RNH1: variants seen among roughly 807,000 people sequenced by gnomAD.
The protein encoded by RNH1 is ribonuclease/angiogenin inhibitor 1, also known as ribonuclease inhibitor.
A neutral mutation model predicts 46.1 loss-of-function variants in RNH1; 38 were observed. The ratio of observed to expected loss-of-function variants is 0.82; its 90% CI spans 0.64 to 1.08. The LOEUF is 1.08. Ranked by LOEUF, RNH1 falls within the 50% of genes least tolerant of loss-of-function variation. The probability of loss-of-function intolerance (pLI) is 0.00; values close to 1 mark genes in which losing one functional copy is unlikely to be tolerated. For synonymous variants in RNH1, 319 were observed against 279.1 expected (o/e 1.14, Z -1.43); for missense variants, 577 against 590.7 (o/e 0.98, Z 0.24).
chr11:500,058 C>T, intron 4 of RNH1, 59 bp from the exon 5 acceptor site: 3 of 1,468,768 alleles, frequency 2.0e-6, no homozygotes, highest in South Asian at 2.7e-5. Flanking sequence ...CGCCCTTCGC[C>T]TGCCAGAGCC....
Position 498,925 on chromosome 11 carries a change from C to T in RNH1, c.623G>A (p.Ser208Asn), listed in dbSNP as rs766234096. Residue 208 changes from serine (S) to asparagine (N), a missense_variant, in exon 7 of 11, where the codon AGC (serine) becomes AAC (asparagine). Ser to Asn is a conservative substitution (Grantham distance 46). Coordinates refer to ENST00000354420, the MANE Select transcript of RNH1 (RefSeq NM_203387.3). ...PCQLEALKLE[S>N]CGVTSDNCRD... ...GCAGTTGTCTGATGTCACACCGCAG[C>T]TCTCCAGCCTGGGGACACGGGTCAC... 3 of 1,612,380 alleles carry T rather than the reference C, an allele frequency of 1.9e-6. No individual in the cohort carries two copies. In the East Asian group the frequency reaches 6.7e-5, roughly 36 times the overall value.
At chr11:497,835 ACT>A in intron 9 of RNH1, 134 bp downstream of exon 9, 6 of 1,054,546 alleles carry the variant, frequency 5.7e-6, no homozygotes, top group Non-Finnish European at 8.1e-6. Context: ...ACGTGCTCAC[ACT>A]CGCCTCACCC....
intron 4 of RNH1, 101 bp downstream of exon 4, chr11:500,383 C>T: frequency 7.3e-7 from 1 of 1,360,626 alleles, no homozygotes; most frequent in Non-Finnish European, 1.0e-6. Flanking sequence ...ACTGCCTGTC[C>T]ACCTGCAGCT....
In RNH1 at chr11:499,524, T is replaced by A. The variant is rs1035603414; in HGVS notation, c.443+305A>T. The A allele has an allele frequency of 1.1e-5, 8 of 696,806 alleles. No homozygotes were observed. The Middle Eastern group carries it at 1.6e-3, about 140-fold the overall frequency. The allele number at this position is 696,806 out of a possible 1,614,324, so 43.2% of individuals were successfully genotyped here. On this transcript the variant is annotated intron_variant, in intron 5 of 10. Transcript: ENST00000354420. ...GGGTCCCCCACACACACTGAGGCGG[T>A]GAGTGGAACCTGACTCACGGCCAGG...
Position 494,651 on chromosome 11 carries a change from C to G in RNH1, c.*40G>C, listed in dbSNP as rs776223056. 75 of 1,594,876 alleles carry G rather than the reference C, an allele frequency of 4.7e-5. No homozygotes were observed. The highest frequency in any genetic ancestry group is 5.9e-5 in the Non-Finnish European group (69 of 1,164,150). On this transcript the variant is annotated 3_prime_UTR_variant, in exon 11 of 11. Transcript: ENST00000354420. ...GGGCTGGTGGGCCCCAGGGTTGCCT[C>G]GAGGCCGGTCGTCCAGGGAGAGCAG...
rs1219823177 is a variant in RNH1, at chr11:499,160, C to A, written c.469G>T (p.Ala157Ser). ...LQLEYCSLSA[A>S]SCEPLASVLR... Reference sequence around the variant, plus strand: ...ACGGAGGCCAGGGGCTCGCAGCTGGCAGCCGAGAGGCTGCAATACTCCAGC... The same window carrying A: ...ACGGAGGCCAGGGGCTCGCAGCTGGAAGCCGAGAGGCTGCAATACTCCAGC... Residue 157 changes from alanine (A) to serine (S), a missense_variant, in exon 6 of 11, where the codon GCC (alanine) becomes TCC (serine). Coordinates refer to ENST00000354420, the MANE Select transcript of RNH1 (RefSeq NM_203387.3). 6.2e-7 allele frequency: 1 copy of A among 1,612,742 alleles called. No homozygotes were observed. Among genetic ancestry groups the A allele is most frequent in the African/African-American group, 1.3e-5 (1 of 74,952 alleles).
chr11:501,617 C>T lies in RNH1; in HGVS notation c.101+445G>A. On this transcript the variant is annotated intron_variant, in intron 3 of 10. Transcript: ENST00000354420. The surrounding 1 kb of genome is among the most constrained non-coding windows in gnomAD (Gnocchi z 4.1). Reference sequence around the variant, plus strand: ...TCACCAGGTAAAAAGAGAAAAGATGCGGCCCACCCAGGCACTCGTGTCCTG... The same window carrying T: ...TCACCAGGTAAAAAGAGAAAAGATGTGGCCCACCCAGGCACTCGTGTCCTG... The T allele has an allele frequency of 1.2e-5, 2 of 170,036 alleles. No homozygotes were observed. The highest frequency in any genetic ancestry group is 5.9e-5 in the Admixed American group (1 of 16,932). 10.5% of individuals were successfully genotyped at this position (170,036 alleles called of 1,614,324 possible). A position where few individuals can be genotyped will look rare whatever the true frequency, so the allele number is the denominator to read the frequency against.
rs1848903431 is a variant in RNH1 at position 494,888 on chromosome 11, C to G, written c.1293G>C (p.Gln431His). 2 of 1,611,988 alleles carry G rather than the reference C, an allele frequency of 1.2e-6. No individual in the cohort carries two copies. Among genetic ancestry groups the G allele is most frequent in the Non-Finnish European group, 1.7e-6 (2 of 1,179,474 alleles). The change falls in exon 10 of 11, where the codon CAG becomes CAC. Residue 431 changes from glutamine (Q) to histidine (H), a missense_variant. Gln to His is a conservative substitution (Grantham distance 24, BLOSUM62 0). Coordinates refer to ENST00000354420, the MANE Select transcript of RNH1 (RefSeq NM_203387.3). ...CGCCCAGCGCGTGCACATACACCAG[C>G]TGCTCCAGGAGGCAGCCCGGCTGCC... ...SVRQPGCLLE[Q>H]LVLYDIYWSE...
intron 4 of RNH1, 75 bp downstream of exon 4, chr11:500,409 G>T: frequency 1.3e-6 from 2 of 1,526,634 alleles, no homozygotes; most frequent in Non-Finnish European, 1.8e-6. Context: ...CGCGCCCCTG[G>T]CGGCTCTGTC....
At position 499,831 on chromosome 11, in the gene RNH1, C is replaced by A; in HGVS notation, c.441G>T (p.Leu147=). 6 of 1,605,846 alleles carry A rather than the reference C, an allele frequency of 3.7e-6. No individual in the cohort carries two copies. Among genetic ancestry groups the A allele is most frequent in the South Asian group, 1.1e-5 (1 of 89,866 alleles). ...CCTGGGGCAGGACACAAACTCACTG[C>A]AGCTTTTCCAGGCGGCACTGGGGGT... ...LLDPQCRLEK[L]QLEYCSLSAA... The change falls in exon 5 of 11, where the codon CTG becomes CTT. Residue 147 remains leucine, a splice_region_variant and synonymous_variant. Coordinates refer to ENST00000354420, the MANE Select transcript of RNH1 (RefSeq NM_203387.3).
chr11:495,835 G>A (rs920220629), intron 9 of RNH1, among the ~76,000 whole-genome samples: 45 of 152,148 alleles, frequency 3.0e-4, no homozygotes, highest in African/African-American at 1.1e-3. Context: ...CAGGGCTCCC[G>A]GGCCTCACTC....
At chr11:506,956 C>CCCCTGCCCCGCCCGA (rs1356131173) in intron 1 of RNH1, 157 bp downstream of exon 1, 12 of 152,238 alleles carry the variant, frequency 7.9e-5, no homozygotes, top group African/African-American at 1.2e-4. Context: ...TAGCCCCGGA[C>CCCCTGCCCCGCCCGA]CCCTGCCCCG....
rs1371530467 is a variant in RNH1 at position 507,236 on chromosome 11, C to CGTGT, written c.-388_-385dup. On this transcript the variant is annotated 5_prime_UTR_variant, in exon 1 of 11. Transcript: ENST00000354420. Reference sequence around the variant, plus strand: ...CCCACCCGCCAGTCAGCGGCGCGGGCGTGTTCGAGCCGGCTCGTGGGCGTG... The same window carrying CGTGT: ...CCCACCCGCCAGTCAGCGGCGCGGGCGTGTGTGTTCGAGCCGGCTCGTGGGCGTG... 6.7e-6 allele frequency: 1 copy of CGTGT among 149,752 alleles called. No homozygotes were observed. Among genetic ancestry groups the CGTGT allele is most frequent in the East Asian group, 2.0e-4 (1 of 5,002 alleles). 9.3% of individuals were successfully genotyped at this position (149,752 alleles called of 1,614,324 possible). A position where few individuals can be genotyped will look rare whatever the true frequency, so the allele number is the denominator to read the frequency against.
intron 9 of RNH1, among the ~76,000 whole-genome samples, chr11:495,892 C>G (rs61876341): frequency 0.097 from 14,842 of 152,228 alleles, 1,001 homozygotes; most frequent in Admixed American, 0.19. Flanking sequence ...ACGGAAAGCC[C>G]CTGGCGAGAG....
chr11:494,990 G>A lies in RNH1; in HGVS notation c.1191C>T (p.Asn397=). The A allele has an allele frequency of 1.2e-6, 2 of 1,605,476 alleles. No homozygotes were observed. Among genetic ancestry groups the A allele is most frequent in the Non-Finnish European group, 1.7e-6 (2 of 1,176,456 alleles). The change falls in exon 10 of 11, where the codon AAC becomes AAT. Residue 397 remains asparagine (N), a synonymous_variant. Transcript: ENST00000354420. ...CSSLAATLLA[N]HSLRELDLSN... The stretch of plus-strand genomic sequence containing the variant: ...TGAGGTCCAGCTCACGCAGGCTGTG[G>A]TTGGCCAACAGGGTTGCGGCGAGGC...
rs1474662740 is a variant in RNH1, at chr11:502,192, G to C, written c.-30C>G. On this transcript the variant is annotated 5_prime_UTR_variant, in exon 3 of 11. Transcript: ENST00000354420. This position sits in a 1 kb window ranked among gnomAD's most constrained non-coding sequence, Gnocchi z 5.8. ...GAGGTGAAGAGTGGCCTGGGTGGGA[G>C]GCAGAGGGAAGAGGACGTCTTGGCC... 1.3e-6 allele frequency: 2 copies of C among 1,558,054 alleles called. No homozygotes were observed. Among genetic ancestry groups the C allele is most frequent in the Non-Finnish European group, 1.8e-6 (2 of 1,137,956 alleles).
At chr11:498,242 C>T (rs1220810706) in intron 8 of RNH1, 101 bp from the exon 9 acceptor site, 15 of 1,373,712 alleles carry the variant, frequency 1.1e-5, no homozygotes, top group African/African-American at 1.5e-5. Flanking sequence ...TGAGCAAAAA[C>T]ATCTGACAGC....
Position 498,633 on chromosome 11 carries a change from G to A in RNH1, c.786-6C>T, listed in dbSNP as rs772010298. ...TGATGCCACACTCCCAGATCCTGCAGGACATGGACCACCACAGACTTTCCT... is the reference window on the plus strand; with the variant it reads ...TGATGCCACACTCCCAGATCCTGCAAGACATGGACCACCACAGACTTTCCT... On this transcript the variant is annotated splice_region_variant and splice_polypyrimidine_tract_variant and intron_variant, in intron 7 of 10. Coordinates refer to ENST00000354420, the MANE Select transcript of RNH1 (RefSeq NM_203387.3). The A allele has an allele frequency of 6.2e-7, 1 of 1,611,720 alleles. No homozygotes were observed. Among genetic ancestry groups the A allele is most frequent in the Admixed American group, 1.7e-5 (1 of 60,018 alleles).
chr11:497,352 G>A (rs1197506368), intron 9 of RNH1, among the ~76,000 whole-genome samples: 1 of 105,284 alleles, frequency 9.5e-6, no homozygotes, highest in African/African-American at 3.9e-5. Context: ...CTCACACACG[G>A]ACACTCATGC....
Sources: gnomAD v4.1 joint callset for allele counts (sites outside exome capture counted in the v4.1 genomes callset) on GRCh38, gnomAD v4.1.1 for gene constraint, Gnocchi (gnomAD v3.1) non-coding constraint, MANE v1.5 for transcripts, NCBI Gene and HGNC (gene_info 2026-07-23, HGNC 2026-07-21) for gene names.